Variants in CPPED1 observed in about 807,000 individuals in gnomAD.
CPPED1 encodes the protein serine/threonine-protein phosphatase CPPED1.
CPPED1 carries 28 observed loss-of-function variants against 28.0 expected under a neutral mutation model. The observed-to-expected ratio is 1.00, with a 90% CI of 0.74 to 1.37. CPPED1 has a LOEUF of 1.37. CPPED1 is among the 40% of genes most tolerant of loss of function. The probability of loss-of-function intolerance (pLI) is 0.00; values close to 1 mark genes in which losing one functional copy is unlikely to be tolerated. For synonymous variants in CPPED1, 198 were observed against 180.2 expected (o/e 1.10, Z -0.79); for missense variants, 504 against 416.5 (o/e 1.21, Z -1.83).
At position 12,735,395 on chromosome 16, in the gene CPPED1, G is replaced by A. The variant is rs1410963826; in HGVS notation, c.290-30346C>T. Among the ~76,000 whole-genome samples, 5 of 152,236 alleles carry A rather than the reference G, an allele frequency of 3.3e-5. No individual in the cohort carries two copies. The East Asian group carries it at 9.6e-4, about 29-fold the overall frequency. On this transcript the variant is annotated intron_variant, in intron 2 of 3. Transcript: ENST00000381774. The stretch of plus-strand genomic sequence containing the variant: ...CAAACTCCACCTCCTGGGTTCAACT[G>A]ATTCTCCCGCCTTAGCGTTCCGCCT...
In CPPED1 at chr16:12,663,734, G is replaced by C. The variant is rs1426715509; in HGVS notation, c.*1152C>G. ...AATCATTTTAGGATTACTGAGTGCT[G>C]TTTCATAATGCTGTATATTTTTCCT... is the stretch of plus-strand genomic sequence containing the variant. On this transcript the variant is annotated 3_prime_UTR_variant, in exon 4 of 4. Coordinates refer to ENST00000381774, the MANE Select transcript of CPPED1 (RefSeq NM_018340.3). 6.6e-6 allele frequency: 1 copy of C among 152,164 alleles called. No homozygotes were observed. Among genetic ancestry groups the C allele is most frequent in the Non-Finnish European group, 1.5e-5 (1 of 68,040 alleles). 9.4% of individuals were successfully genotyped at this position (152,164 alleles called of 1,614,324 possible). A position where few individuals can be genotyped will look rare whatever the true frequency, so the allele number is the denominator to read the frequency against.
Position 12,781,235 on chromosome 16 carries a change from G to A in CPPED1, c.239C>T (p.Pro80Leu), listed in dbSNP as rs1227806450. ...GCACAGAACGAAGAATTTGGGTTTG[G>A]GGTTCAGCTTGTTGATGGCCTGGAC... ...QAVQAINKLN[P>L]KPKFFVLCGD... Residue 80 changes from proline to leucine, a missense_variant, in exon 2 of 4, where the codon CCC (proline) becomes CTC (leucine). Pro to Leu is a moderately conservative substitution (Grantham distance 98). Coordinates refer to ENST00000381774, the MANE Select transcript of CPPED1 (RefSeq NM_018340.3). 1.9e-5 allele frequency: 30 copies of A among 1,614,116 alleles called. No homozygotes were observed. Among genetic ancestry groups the A allele is most frequent in the Non-Finnish European group, 2.5e-5 (30 of 1,180,008 alleles).
intron 3 of CPPED1, among the ~76,000 whole-genome samples, chr16:12,679,402 C>T (rs894428992): frequency 1.2e-4 from 19 of 152,034 alleles, no homozygotes; most frequent in African/African-American, 4.3e-4. Flanking sequence ...AAATTAAACC[C>T]AAATGTTGTA....
chr16:12,700,489 C>T (rs1391993114), intron 3 of CPPED1, among the ~76,000 whole-genome samples: 1 of 152,224 alleles, frequency 6.6e-6, no homozygotes, highest in Non-Finnish European at 1.5e-5. Flanking sequence ...CTCCCAGGTA[C>T]AAGCAATTCT....
intron 2 of CPPED1, among the ~76,000 whole-genome samples, chr16:12,742,751 G>T (rs1247688884): frequency 2.6e-5 from 4 of 152,136 alleles, no homozygotes; most frequent in African/African-American, 9.7e-5. Flanking sequence ...AGTTGTTGGG[G>T]ATCCCAAAGA....
intron 2 of CPPED1, among the ~76,000 whole-genome samples, chr16:12,710,219 A>C (rs1313891491): frequency 6.6e-6 from 1 of 152,172 alleles, no homozygotes; most frequent in East Asian, 1.9e-4. Flanking sequence ...TCCTAACATA[A>C]TATAAAAATT....
intron 1 of CPPED1, among the ~76,000 whole-genome samples, chr16:12,803,342 T>C (rs1021856809): frequency 2.0e-5 from 3 of 152,198 alleles, no homozygotes; most frequent in Non-Finnish European, 4.4e-5. Context: ...CCACAAGTAT[T>C]CCCGTTTCAC....
At position 12,704,653 on chromosome 16, in the gene CPPED1, T is replaced by C. The variant is rs2080038333; in HGVS notation, c.686A>G (p.Lys229Arg). ...GTGGATGAACTTGTCTGCCAACTTC[T>C]TCCGAGTGGACTTGCTGAGGTTGAA... ...YYFNLSKSTR[K>R]KLADKFIHAG... is the part of the protein sequence containing the mutation. Residue 229 changes from lysine (K) to arginine (R), a missense_variant, in exon 3 of 4, where the codon AAG (lysine) becomes AGG (arginine). Lys to Arg is a conservative substitution (Grantham distance 26). Coordinates refer to ENST00000381774, the MANE Select transcript of CPPED1 (RefSeq NM_018340.3). The C allele has an allele frequency of 1.2e-6, 2 of 1,612,258 alleles. No homozygotes were observed. The highest frequency in any genetic ancestry group is 3.3e-5 in the Admixed American group (2 of 59,976).
At chr16:12,718,600 G>A (rs924433213) in intron 2 of CPPED1, among the ~76,000 whole-genome samples, 1 of 151,558 alleles carries the variant, frequency 6.6e-6, no homozygotes, top group African/African-American at 2.4e-5. Flanking sequence ...GTTGGTGAGA[G>A]CATGGGGATA....
chr16:12,771,124 GACA>G lies in CPPED1; in HGVS notation c.289+10058_289+10060del, dbSNP rs1358955505. Among the ~76,000 whole-genome samples the G allele has an allele frequency of 2.6e-5, 4 of 152,218 alleles. No individual in the cohort carries two copies. The East Asian group carries it at 7.7e-4, about 29-fold the overall frequency. On this transcript the variant is annotated intron_variant, in intron 2 of 3. Coordinates refer to ENST00000381774, the MANE Select transcript of CPPED1 (RefSeq NM_018340.3). Reference sequence around the variant, plus strand: ...TTTAAATCCTACAGGAGACTAGGATGACAACAACAAAAAACACGGAGAACTTCA... The same window carrying G: ...TTTAAATCCTACAGGAGACTAGGATGACAACAAAAAACACGGAGAACTTCA...
At chr16:12,779,807 T>A (rs960839043) in intron 2 of CPPED1, among the ~76,000 whole-genome samples, 3 of 152,108 alleles carry the variant, frequency 2.0e-5, no homozygotes, top group Admixed American at 6.6e-5. Context: ...TTAGACATCA[T>A]CACAGAACTC....
chr16:12,797,956 G>A (rs1363931270), intron 1 of CPPED1, among the ~76,000 whole-genome samples: 1 of 151,686 alleles, frequency 6.6e-6, no homozygotes, highest in African/African-American at 2.4e-5. Context: ...GGTGGTGCAC[G>A]CCTGTAGTCT....
At chr16:12,680,990 CTCTT>C (rs1481545883) in intron 3 of CPPED1, among the ~76,000 whole-genome samples, 1 of 152,020 alleles carries the variant, frequency 6.6e-6, no homozygotes, top group African/African-American at 2.4e-5. Context: ...GATTCTCTTC[CTCTT>C]TCTTTCTTTT....
intron 2 of CPPED1, among the ~76,000 whole-genome samples, chr16:12,737,540 G>T (rs1388991319): frequency 6.6e-6 from 1 of 152,190 alleles, no homozygotes; most frequent in East Asian, 1.9e-4. Context: ...AGGGTTTTAA[G>T]CAGGCAAGGG....
At chr16:12,718,466 G>A (rs1335235825) in intron 2 of CPPED1, among the ~76,000 whole-genome samples, 2 of 150,402 alleles carry the variant, frequency 1.3e-5, no homozygotes, top group African/African-American at 4.9e-5. Flanking sequence ...TTGAACCTGG[G>A]AGGCCGAGGT....
At chr16:12,721,468 C>T (rs906154180) in intron 2 of CPPED1, among the ~76,000 whole-genome samples, 3 of 151,972 alleles carry the variant, frequency 2.0e-5, no homozygotes, top group South Asian at 2.1e-4. Flanking sequence ...AAAAGGAGGC[C>T]GGGGCTGGGC....
intron 1 of CPPED1, among the ~76,000 whole-genome samples, chr16:12,790,690 T>C (rs1329829673): frequency 6.6e-6 from 1 of 151,912 alleles, no homozygotes; most frequent in African/African-American, 2.4e-5. Context: ...GGAGGCCGAG[T>C]GGCGGGGCGG....
chr16:12,660,146 G>A lies in CPPED1; in HGVS notation c.*4740C>T, dbSNP rs2079785921. On this transcript the variant is annotated 3_prime_UTR_variant, in exon 4 of 4. Coordinates refer to ENST00000381774, the MANE Select transcript of CPPED1 (RefSeq NM_018340.3). Reference sequence around the variant, plus strand: ...AGAGCCAAACCATATCAAGCAGGAAGGCCACTTTCAGGGGTGAGCGTTTGA... The same window carrying A: ...AGAGCCAAACCATATCAAGCAGGAAAGCCACTTTCAGGGGTGAGCGTTTGA... 1 of 152,158 alleles carries A rather than the reference G, an allele frequency of 6.6e-6. No individual in the cohort carries two copies. Among genetic ancestry groups the A allele is most frequent in the Admixed American group, 6.5e-5 (1 of 15,270 alleles). The allele number at this position is 152,158 out of a possible 1,614,324, so 9.4% of individuals were successfully genotyped here.
intron 1 of CPPED1, among the ~76,000 whole-genome samples, chr16:12,799,809 C>T (rs1038102826): frequency 1.3e-5 from 2 of 152,220 alleles, no homozygotes; most frequent in Admixed American, 6.5e-5. Flanking sequence ...CTAGGCCCTC[C>T]GTTAAATGAC....
Sources: gnomAD v4.1 joint callset for allele counts (sites outside exome capture counted in the v4.1 genomes callset) on GRCh38, gnomAD v4.1.1 for gene constraint, MANE v1.5 for transcripts, NCBI Gene and HGNC (gene_info 2026-07-23, HGNC 2026-07-21) for gene names.